Variants in GRM8 observed in about 807,000 individuals in gnomAD.
GRM8 encodes metabotropic glutamate receptor 8.
Under a neutral mutation model 87.2 loss-of-function variants are expected in GRM8, and 47 were observed. The ratio of observed to expected loss-of-function variants is 0.54; its 90% CI spans 0.43 to 0.69. GRM8 has a LOEUF of 0.69. GRM8 is among the 30% of genes least tolerant of loss of function. The pLI is 0.00. For synonymous variants in GRM8, 396 were observed against 404.5 expected, an observed-to-expected ratio of 0.98 and a Z score of 0.25; for missense variants, 1,019 against 1,139.2, an observed-to-expected ratio of 0.89 and a Z score of 1.52.
intron 6 of GRM8, among the ~76,000 whole-genome samples, chr7:126,845,924 T>G (rs1017540147): frequency 5.9e-5 from 9 of 151,820 alleles, no homozygotes; most frequent in African/African-American, 2.2e-4. Flanking sequence ...GGAAAAAATG[T>G]GCAGGGGAGT....
intron 2 of GRM8, among the ~76,000 whole-genome samples, chr7:127,213,441 G>A (rs190669410): frequency 3.5e-4 from 53 of 152,204 alleles, no homozygotes; most frequent in Non-Finnish European, 5.9e-4. Context: ...GCATATATCA[G>A]GTTAAATAAA....
chr7:127,202,113 T>C (rs1172250815), intron 2 of GRM8, among the ~76,000 whole-genome samples: 1 of 152,138 alleles, frequency 6.6e-6, no homozygotes, highest in Non-Finnish European at 1.5e-5. Flanking sequence ...TATGTGATTA[T>C]ACTTAACACC....
At chr7:126,964,814 T>A (rs893705480) in intron 3 of GRM8, among the ~76,000 whole-genome samples, 1 of 152,238 alleles carries the variant, frequency 6.6e-6, no homozygotes, top group African/African-American at 2.4e-5. Context: ...ACTGGGTATA[T>A]ACCCAAACGA....
chr7:126,891,543 C>A (rs2131089632), intron 6 of GRM8, among the ~76,000 whole-genome samples: 1 of 152,110 alleles, frequency 6.6e-6, no homozygotes, highest in South Asian at 2.1e-4. Flanking sequence ...CTCTTCCTAT[C>A]CCCCTCTCCT....
At chr7:126,793,596 AAAAC>A (rs1164739000) in intron 6 of GRM8, among the ~76,000 whole-genome samples, 1 of 152,230 alleles carries the variant, frequency 6.6e-6, no homozygotes, top group African/African-American at 2.4e-5. Flanking sequence ...CAAAGTTAAC[AAAAC>A]AAACAGAACT....
chr7:126,443,732 TC>T (rs1801713248), intron 10 of GRM8, among the ~76,000 whole-genome samples: 1 of 151,996 alleles, frequency 6.6e-6, no homozygotes, highest in African/African-American at 2.4e-5. Flanking sequence ...AGGCTTACCC[TC>T]CAAATAGGCC....
intron 9 of GRM8, among the ~76,000 whole-genome samples, chr7:126,486,043 G>A (rs1420812553): frequency 2.0e-5 from 3 of 151,908 alleles, no homozygotes; most frequent in Non-Finnish European, 4.4e-5. Flanking sequence ...TTTCTAGTAG[G>A]TAAACAAGCC....
At chr7:127,050,413 G>A (rs528346662) in intron 3 of GRM8, among the ~76,000 whole-genome samples, 6 of 152,320 alleles carry the variant, frequency 3.9e-5, no homozygotes, top group East Asian at 1.9e-4. Flanking sequence ...TTTAGAGGTA[G>A]AGGTAGGAGT....
chr7:126,485,989 A>C (rs909418974), intron 9 of GRM8, among the ~76,000 whole-genome samples: 1 of 152,022 alleles, frequency 6.6e-6, no homozygotes, highest in African/African-American at 2.4e-5. Flanking sequence ...GTACCTCTAC[A>C]CTTGAAGAAT....
intron 10 of GRM8, among the ~76,000 whole-genome samples, chr7:126,440,410 CA>C (rs35828454): frequency 0.079 from 5,956 of 75,158 alleles, 93 homozygotes; most frequent in Middle Eastern, 0.13. Flanking sequence ...GACTCCATCT[CA>C]AAAAAAAAAA....
At chr7:127,129,491 T>C (rs965967602) in intron 2 of GRM8, among the ~76,000 whole-genome samples, 3 of 152,148 alleles carry the variant, frequency 2.0e-5, no homozygotes, top group African/African-American at 2.4e-5. Context: ...ATATTCAAAA[T>C]AGCCAAAATC....
At chr7:127,239,617 A>C (rs1175541011) in intron 2 of GRM8, among the ~76,000 whole-genome samples, 1 of 152,208 alleles carries the variant, frequency 6.6e-6, no homozygotes, top group Non-Finnish European at 1.5e-5. Flanking sequence ...CCAATGCATT[A>C]ACTGCTAATC....
chr7:126,954,782 C>T (rs2131629998), intron 3 of GRM8, among the ~76,000 whole-genome samples: 1 of 152,250 alleles, frequency 6.6e-6, no homozygotes, highest in South Asian at 2.1e-4. Flanking sequence ...TCAATACATG[C>T]TTGCTTTTAT....
At chr7:126,733,442 T>A (rs1311334717) in intron 7 of GRM8, among the ~76,000 whole-genome samples, 1 of 149,866 alleles carries the variant, frequency 6.7e-6, no homozygotes, top group Non-Finnish European at 1.5e-5. Flanking sequence ...ATTAAAAAAA[T>A]AAGTGGCTTG....
At chr7:126,910,318 A>AATCC (rs745602494) in intron 3 of GRM8, among the ~76,000 whole-genome samples, 7 of 152,138 alleles carry the variant, frequency 4.6e-5, no homozygotes, top group African/African-American at 9.7e-5. Context: ...TTCAATTAGA[A>AATCC]ATCCATGAGT....
chr7:126,594,267 T>C (rs1235248962), intron 8 of GRM8, among the ~76,000 whole-genome samples: 6 of 152,022 alleles, frequency 3.9e-5, no homozygotes, highest in African/African-American at 1.4e-4. Context: ...AATCAGTATG[T>C]TGAAGATATA....
intron 3 of GRM8, among the ~76,000 whole-genome samples, chr7:126,943,200 G>T (rs933238333): frequency 2.6e-5 from 4 of 152,138 alleles, no homozygotes; most frequent in Non-Finnish European, 4.4e-5. Flanking sequence ...AATTACTAAT[G>T]GTCAGAGTCA....
At chr7:127,126,988 C>T (rs536741914) in intron 2 of GRM8, among the ~76,000 whole-genome samples, 2 of 152,052 alleles carry the variant, frequency 1.3e-5, no homozygotes, top group South Asian at 2.1e-4. Flanking sequence ...AATCATATTA[C>T]TCTTCAGGGA....
chr7:126,734,108 A>T (rs1036013640), intron 7 of GRM8, among the ~76,000 whole-genome samples: 1 of 151,996 alleles, frequency 6.6e-6, no homozygotes, highest in Non-Finnish European at 1.5e-5. Context: ...ATCTCCATAA[A>T]CTTAGTGGGA....
Sources: allele counts gnomAD v4.1 joint callset (sites outside exome capture counted in the v4.1 genomes callset), GRCh38; gene constraint gnomAD v4.1.1; transcripts MANE v1.5; gene names NCBI Gene and HGNC (gene_info 2026-07-23, HGNC 2026-07-21).